Variants in EXO1 observed in about 807,000 individuals in gnomAD.
The protein encoded by EXO1 is exonuclease 1.
A neutral mutation model predicts 84.5 loss-of-function variants in EXO1; 69 were observed. The ratio of observed to expected loss-of-function variants is 0.82; its 90% CI spans 0.67 to 1.00. The LOEUF (loss-of-function observed/expected upper bound fraction) is 1.00, where lower values mean the gene tolerates loss of function less well. Among genes scored for constraint, EXO1 ranks in the 50% least tolerant of loss-of-function variants. The pLI is 0.00. For missense variants in EXO1, 1,045 were observed against 1,000.7 expected, an observed-to-expected ratio of 1.04 and a Z score of -0.60; for synonymous variants, 373 against 366.1, an observed-to-expected ratio of 1.02 and a Z score of -0.21.
chr1:241,856,401 A>C (rs1661040278), intron 6 of EXO1, among the ~76,000 whole-genome samples: 1 of 151,870 alleles, frequency 6.6e-6, no homozygotes, highest in Non-Finnish European at 1.5e-5. Flanking sequence ...TTTCTTGGCA[A>C]GTTTATTTTA....
At position 241,878,873 on chromosome 1, in the gene EXO1, G is replaced by T. The variant is rs371319547; in HGVS notation, c.1639G>T (p.Gly547Cys). The T allele has an allele frequency of 1.9e-6, 3 of 1,614,112 alleles. No homozygotes were observed. Among genetic ancestry groups the T allele is most frequent in the Non-Finnish European group, 2.5e-6 (3 of 1,180,004 alleles). Residue 547 changes from glycine to cysteine, a missense_variant, in exon 13 of 16, where the codon GGC (glycine) becomes TGC (cysteine). By Grantham distance (159) the Gly-to-Cys change is radical (BLOSUM62 -3). Coordinates refer to ENST00000366548, the MANE Select transcript of EXO1 (RefSeq NM_130398.4). ...LHESEYGDQE[G>C]KRLVDTDVAR... ...TGAATCAGAGTATGGAGACCAAGAA[G>T]GCAAGAGACTGGTTGACACAGATGT...
At chr1:241,868,141 G>A (rs536933430) in intron 11 of EXO1, among the ~76,000 whole-genome samples, 3 of 152,060 alleles carry the variant, frequency 2.0e-5, no homozygotes, top group Admixed American at 6.5e-5. Context: ...TTGGGAGGCC[G>A]AGGCAGGCAG....
At position 241,885,345 on chromosome 1, in the gene EXO1, ACT is replaced by A. The variant is rs746998518; in HGVS notation, c.2248_2249del (p.Leu750PhefsTer30). ...GGGCTATATAAGTCCAGTTCTGCAG[ACT>A]CTCTTTCTACAACCAAGATCAAACC... On this transcript the variant is annotated frameshift_variant, in exon 15 of 16. Transcript: ENST00000366548. LOFTEE classifies it high-confidence loss of function. 3 of 1,613,832 alleles carry A rather than the reference ACT, an allele frequency of 1.9e-6. No individual in the cohort carries two copies. The highest frequency in any genetic ancestry group is 2.7e-5 in the African/African-American group (2 of 74,972).
At chr1:241,887,152 G>A (rs1347982718) in intron 15 of EXO1, among the ~76,000 whole-genome samples, 2 of 152,076 alleles carry the variant, frequency 1.3e-5, no homozygotes, top group African/African-American at 4.8e-5. Context: ...GTGTTTTATT[G>A]CAGTCCACTG....
At chr1:241,880,128 A>G (rs1574180957) in intron 13 of EXO1, among the ~76,000 whole-genome samples, 1 of 152,108 alleles carries the variant, frequency 6.6e-6, no homozygotes, top group East Asian at 1.9e-4. Context: ...TTCCTTCTAA[A>G]TTTCTCCTTA....
At chr1:241,885,638 C>T (rs1419006886) in intron 15 of EXO1, 131 bp downstream of exon 15, 1 of 770,728 alleles carries the variant, frequency 1.3e-6, no homozygotes, top group Non-Finnish European at 2.3e-6. Context: ...TTATTTTTCT[C>T]TCTTCCCTTT....
chr1:241,853,822 G>A (rs1574133093), intron 6 of EXO1, among the ~76,000 whole-genome samples: 1 of 152,036 alleles, frequency 6.6e-6, no homozygotes, highest in Non-Finnish European at 1.5e-5. Context: ...AGACCATCCC[G>A]GGTAACATAA....
At chr1:241,869,979 T>G (rs1436890930) in intron 11 of EXO1, among the ~76,000 whole-genome samples, 2 of 152,216 alleles carry the variant, frequency 1.3e-5, no homozygotes, top group Middle Eastern at 3.4e-3. Context: ...ACCTGGCTAA[T>G]TTTTGTATTT....
intron 14 of EXO1, among the ~76,000 whole-genome samples, chr1:241,882,360 A>G (rs1342517136): frequency 1.3e-5 from 2 of 152,136 alleles, no homozygotes; most frequent in African/African-American, 4.8e-5. Context: ...TTGTGGATAA[A>G]TATTTGAGGA....
Position 241,872,279 on chromosome 1 carries a change from G to T in EXO1, c.1514+1G>T. 1.9e-6 allele frequency: 3 copies of T among 1,613,792 alleles called. No individual in the cohort carries two copies. Among genetic ancestry groups the T allele is most frequent in the Non-Finnish European group, 1.7e-6 (2 of 1,179,750 alleles). On this transcript the variant is annotated splice_donor_variant, in intron 12 of 15. Transcript: ENST00000366548. LOFTEE classifies it high-confidence loss of function. ...TTGTGGTTCCAGGGACCAGAAGCAG[G>T]TATAGTTATGTCTCCAGAATGTTGA...
chr1:241,874,243 A>G (rs768685863), intron 12 of EXO1, among the ~76,000 whole-genome samples: 6 of 152,170 alleles, frequency 3.9e-5, no homozygotes, highest in Non-Finnish European at 7.4e-5. Context: ...TCCTAAAAGT[A>G]CAAAACCTAG....
At chr1:241,864,427 A>G (rs920844562) in intron 10 of EXO1, among the ~76,000 whole-genome samples, 1 of 152,246 alleles carries the variant, frequency 6.6e-6, no homozygotes, top group Non-Finnish European at 1.5e-5. Flanking sequence ...AGACAAATGA[A>G]TCTATCTTCA....
intron 11 of EXO1, 120 bp from the exon 12 acceptor site, chr1:241,871,912 T>A: frequency 4.6e-6 from 1 of 219,436 alleles, no homozygotes; most frequent in Non-Finnish European, 7.3e-6. Context: ...TGAGGCATAG[T>A]TTTTTTTTTT....
intron 10 of EXO1, among the ~76,000 whole-genome samples, chr1:241,865,353 A>G (rs1661654948): frequency 6.6e-6 from 1 of 151,708 alleles, no homozygotes; most frequent in African/African-American, 2.4e-5. Flanking sequence ...CTGGAATTAC[A>G]TGCATGTGCC....
In EXO1 at chr1:241,867,025, A is replaced by G. The variant is rs1476601636; in HGVS notation, c.1237A>G (p.Lys413Glu). 5.6e-6 allele frequency: 9 copies of G among 1,613,872 alleles called. No homozygotes were observed. The South Asian group carries it at 9.9e-5, about 18-fold the overall frequency. Residue 413 changes from lysine (K) to glutamate (E), a missense_variant, in exon 11 of 16, where the codon AAA becomes GAA. Lys to Glu is a moderately conservative substitution (Grantham distance 56, BLOSUM62 1). Transcript: ENST00000366548. ...ISTKGLNLPR[K>E]SSIVKRPRSA... ...TACTAAAGGGTTAAATCTCCCAAGG[A>G]AATCATCCATTGTGAAAAGACCAAG...
rs774186322 is a variant in EXO1 at position 241,879,288 on chromosome 1, A to G, written c.2054A>G (p.Gln685Arg). ...CAGGAAAGTGGAGAATTCTCACTGC[A>G]GAGTTCAAATGCATCAAAGCTTTCT... ...QSQESGEFSL[Q>R]SSNASKLSQC... Residue 685 changes from glutamine to arginine, a missense_variant, in exon 13 of 16, where the codon CAG becomes CGG. Coordinates refer to ENST00000366548, the MANE Select transcript of EXO1 (RefSeq NM_130398.4). The G allele has an allele frequency of 1.9e-6, 3 of 1,606,172 alleles. No individual in the cohort carries two copies. The highest frequency in any genetic ancestry group is 1.7e-6 in the Non-Finnish European group (2 of 1,177,822).
intron 13 of EXO1, among the ~76,000 whole-genome samples, chr1:241,881,112 C>T (rs1489968832): frequency 6.6e-6 from 1 of 152,088 alleles, no homozygotes; most frequent in African/African-American, 2.4e-5. Context: ...ACTGCAACCT[C>T]CACCTCCCGG....
intron 11 of EXO1, among the ~76,000 whole-genome samples, chr1:241,871,011 A>G (rs562646134): frequency 2.1e-3 from 316 of 152,286 alleles, no homozygotes; most frequent in African/African-American, 7.3e-3. Flanking sequence ...AGACACTCAA[A>G]TGTCTTGCCA....
chr1:241,875,911 C>T (rs556594783), intron 12 of EXO1, among the ~76,000 whole-genome samples: 42 of 152,244 alleles, frequency 2.8e-4, no homozygotes, highest in Non-Finnish European at 5.4e-4. Context: ...TTAAAAAGTT[C>T]TAGAAAGTTG....
Sources: allele counts gnomAD v4.1 joint callset (sites outside exome capture counted in the v4.1 genomes callset), GRCh38; gene constraint gnomAD v4.1.1; transcripts MANE v1.5; gene names NCBI Gene and HGNC (gene_info 2026-07-23, HGNC 2026-07-21).